The following PBX3 variants were observed in gnomAD, a reference collection of about 807,000 sequenced individuals.
PBX3 encodes pre-B-cell leukemia transcription factor 3.
A neutral mutation model predicts 48.5 loss-of-function variants in PBX3; 14 were observed. The observed-to-expected ratio is 0.29, with a 90% CI of 0.19 to 0.45. The LOEUF is 0.45. Among genes scored for constraint, PBX3 ranks in the 20% least tolerant of loss-of-function variants. The pLI is 1.00. For missense variants in PBX3, 386 were observed against 546.7 expected, an observed-to-expected ratio of 0.71 and a Z score of 2.93; for synonymous variants, 210 against 200.3, an observed-to-expected ratio of 1.05 and a Z score of -0.41.
chr9:125,944,397 T>C lies in PBX3; in HGVS notation c.843+8790T>C, dbSNP rs192201182. Among the ~76,000 whole-genome samples, 5 of 152,330 alleles carry C rather than the reference T, an allele frequency of 3.3e-5. No homozygotes were observed. The East Asian group carries it at 7.7e-4, about 24-fold the overall frequency. ...ATTTGCTCAATAGGTACTTAGTGCC[T>C]ACTATATGTCAGGCACTATGCCTGG... On this transcript the variant is annotated intron_variant, in intron 5 of 8. Coordinates refer to ENST00000373489, the MANE Select transcript of PBX3 (RefSeq NM_006195.6).
At chr9:125,867,856 ATTTGTTTTGTTTTGCT>A (rs1232891017) in intron 2 of PBX3, among the ~76,000 whole-genome samples, 1 of 151,094 alleles carries the variant, frequency 6.6e-6, no homozygotes, top group East Asian at 2.0e-4. Flanking sequence ...ACATACATAT[ATTTGTTTTGTTTTGCT>A]TTTGTTTTGT....
intron 2 of PBX3, among the ~76,000 whole-genome samples, chr9:125,802,730 G>T (rs1357728198): frequency 1.3e-5 from 2 of 151,534 alleles, no homozygotes; most frequent in Non-Finnish European, 2.9e-5. Context: ...CCAGGCTGGG[G>T]TGCAGTGGTG....
chr9:125,780,598 GGCGCCCCTCACCTCCCGGAC>G (rs1837247536), intron 2 of PBX3, among the ~76,000 whole-genome samples: 1 of 132,342 alleles, frequency 7.6e-6, no homozygotes, highest in South Asian at 2.4e-4. Context: ...GCTGGGCAGA[GGCGCCCCTCACCTCCCGGAC>G]GGGGCGGCTG....
intron 5 of PBX3, among the ~76,000 whole-genome samples, chr9:125,946,305 A>C (rs1470413615): frequency 6.6e-6 from 1 of 152,210 alleles, no homozygotes; most frequent in Admixed American, 6.5e-5. Context: ...TAAACAAAAC[A>C]AAACAAAAAC....
chr9:125,854,373 G>A (rs1236303826), intron 2 of PBX3, among the ~76,000 whole-genome samples: 5 of 152,020 alleles, frequency 3.3e-5, no homozygotes, highest in Non-Finnish European at 1.5e-5. Context: ...GAGCTCAAGC[G>A]ATCTTCCTGC....
intron 2 of PBX3, among the ~76,000 whole-genome samples, chr9:125,838,287 C>T (rs1404093636): frequency 2.6e-5 from 4 of 152,142 alleles, no homozygotes; most frequent in African/African-American, 7.2e-5. Flanking sequence ...CTAGCTCAAG[C>T]GATCCTCCAG....
chr9:125,921,026 C>T (rs2132484503), intron 3 of PBX3, among the ~76,000 whole-genome samples: 1 of 152,330 alleles, frequency 6.6e-6, no homozygotes, highest in Non-Finnish European at 1.5e-5. Context: ...AGAGATTGTG[C>T]AGCCTGTAAA....
In PBX3 at chr9:125,826,211, AT is replaced by A. The variant is rs138398730; in HGVS notation, c.274+77593del. ...AGGCATGATTTTTACCTGTTTTAACATTTTTCATGGCTCAATTATTTTACAT... is the reference window on the plus strand; with the variant it reads ...AGGCATGATTTTTACCTGTTTTAACATTTTCATGGCTCAATTATTTTACAT... On this transcript the variant is annotated intron_variant, in intron 2 of 8. Coordinates refer to ENST00000373489, the MANE Select transcript of PBX3 (RefSeq NM_006195.6). Among the ~76,000 whole-genome samples the A allele has an allele frequency of 1.8e-3, 271 of 152,298 alleles. 6 individuals carry two copies. In the East Asian group the frequency reaches 0.047, roughly 26 times the overall value.
chr9:125,838,497 C>T (rs1406514811), intron 2 of PBX3, among the ~76,000 whole-genome samples: 12 of 152,076 alleles, frequency 7.9e-5, no homozygotes, highest in Admixed American at 5.9e-4. Flanking sequence ...TCCACAAGAA[C>T]GTTAGGTGTA....
At chr9:125,793,891 A>T (rs1378206158) in intron 2 of PBX3, among the ~76,000 whole-genome samples, 1 of 152,200 alleles carries the variant, frequency 6.6e-6, no homozygotes, top group African/African-American at 2.4e-5. Context: ...TAGGGAATTT[A>T]GTGAGCGATT....
chr9:125,823,216 G>A (rs1367854635), intron 2 of PBX3, among the ~76,000 whole-genome samples: 1 of 152,164 alleles, frequency 6.6e-6, no homozygotes, highest in Non-Finnish European at 1.5e-5. Context: ...GACCATTGCT[G>A]TTGATTATTG....
intron 3 of PBX3, among the ~76,000 whole-genome samples, chr9:125,928,063 G>T (rs1399701293): frequency 6.6e-6 from 1 of 151,560 alleles, no homozygotes; most frequent in East Asian, 1.9e-4. Context: ...TGTACCTGTA[G>T]TCCCAGCTAC....
intron 5 of PBX3, among the ~76,000 whole-genome samples, chr9:125,940,485 A>G (rs1030117324): frequency 1.3e-5 from 2 of 152,262 alleles, no homozygotes; most frequent in Non-Finnish European, 2.9e-5. Flanking sequence ...ACTTAACCAG[A>G]CAGACCCATG....
At chr9:125,854,244 A>G (rs1464459456) in intron 2 of PBX3, among the ~76,000 whole-genome samples, 1 of 151,708 alleles carries the variant, frequency 6.6e-6, no homozygotes, top group Non-Finnish European at 1.5e-5. Flanking sequence ...TGATCCTCCC[A>G]CCTCAGCCTC....
chr9:125,887,707 G>A (rs941548007), intron 2 of PBX3, among the ~76,000 whole-genome samples: 2 of 152,180 alleles, frequency 1.3e-5, no homozygotes, highest in African/African-American at 4.8e-5. Context: ...TTTAAAAACA[G>A]TAAAATTGAT....
intron 2 of PBX3, among the ~76,000 whole-genome samples, chr9:125,805,528 A>G (rs1838101236): frequency 6.6e-6 from 1 of 152,212 alleles, no homozygotes; most frequent in Non-Finnish European, 1.5e-5. Context: ...CTTGGAGGCT[A>G]TGGTAGTCCC....
chr9:125,883,690 T>C (rs995604267), intron 2 of PBX3, among the ~76,000 whole-genome samples: 6 of 152,118 alleles, frequency 3.9e-5, no homozygotes, highest in Non-Finnish European at 8.8e-5. Context: ...ATGGGGAAAG[T>C]AGCAACTGCA....
intron 5 of PBX3, among the ~76,000 whole-genome samples, chr9:125,956,031 G>A (rs763755452): frequency 3.9e-5 from 6 of 152,164 alleles, no homozygotes; most frequent in Non-Finnish European, 8.8e-5. Context: ...CCCACTTTGG[G>A]CAACTTGTCT....
chr9:125,928,757 G>T (rs948389572), intron 3 of PBX3, among the ~76,000 whole-genome samples: 40 of 152,116 alleles, frequency 2.6e-4, no homozygotes, highest in African/African-American at 9.7e-4. Flanking sequence ...GAGCCACCGC[G>T]CCCGGCCTGA....
Sources: gnomAD v4.1 joint callset for allele counts (sites outside exome capture counted in the v4.1 genomes callset) on GRCh38, gnomAD v4.1.1 for gene constraint, MANE v1.5 for transcripts, NCBI Gene and HGNC (gene_info 2026-07-23, HGNC 2026-07-21) for gene names.